MKLN1: variants seen among roughly 807,000 people sequenced by gnomAD.
The protein encoded by MKLN1 is muskelin 1, also known as muskelin.
A neutral mutation model predicts 99.0 loss-of-function variants in MKLN1; 18 were observed. The ratio of observed to expected loss-of-function variants is 0.18; its 90% confidence interval spans 0.13 to 0.27. MKLN1 has a LOEUF of 0.27. Ranked by LOEUF, MKLN1 falls within the 10% of genes least tolerant of loss-of-function variation. MKLN1 has a pLI of 1.00. For missense variants in MKLN1, 621 were observed against 875.9 expected (o/e 0.71, Z 3.67); for synonymous variants, 288 against 293.2 (o/e 0.98, Z 0.18).
intron 3 of MKLN1, among the ~76,000 whole-genome samples, chr7:131,286,723 A>T (rs1352888726): frequency 6.6e-6 from 1 of 152,262 alleles, no homozygotes; most frequent in Non-Finnish European, 1.5e-5. Context: ...TAAGAATGTC[A>T]TAATCTTATT....
chr7:131,495,343 A>G lies in MKLN1; in HGVS notation c.*7615A>G, dbSNP rs942330554. ...GTGAATCGCTCCTTCTGTTTGTGAA[A>G]ACATCTCCTGGACTGGAAATGTGGT... On this transcript the variant is annotated 3_prime_UTR_variant, in exon 18 of 18. Transcript: ENST00000352689. The G allele has an allele frequency of 3.9e-5, 6 of 152,170 alleles. No individual in the cohort carries two copies. The highest frequency in any genetic ancestry group is 7.4e-5 in the Non-Finnish European group (5 of 68,026). The allele number at this position is 152,170 out of a possible 1,614,324, so 9.4% of individuals were successfully genotyped here.
intron 3 of MKLN1, among the ~76,000 whole-genome samples, chr7:131,262,995 T>C (rs1214346964): frequency 6.6e-6 from 1 of 152,222 alleles, no homozygotes; most frequent in East Asian, 1.9e-4. Context: ...TTCTTTATCA[T>C]GTTCTTAAAC....
intron 17 of MKLN1, among the ~76,000 whole-genome samples, chr7:131,482,462 G>C (rs1329750625): frequency 6.6e-6 from 1 of 152,076 alleles, no homozygotes; most frequent in African/African-American, 2.4e-5. Context: ...GAAGTTTACA[G>C]TCCAAATATA....
chr7:131,194,005 T>TTTG, intron 2 of MKLN1, among the ~76,000 whole-genome samples: 1 of 81,652 alleles, frequency 1.2e-5, no homozygotes, highest in Non-Finnish European at 2.3e-5. Flanking sequence ...TTTGTTTTGT[T>TTTG]TTTTTTTTTT....
intron 6 of MKLN1, among the ~76,000 whole-genome samples, chr7:131,408,189 ACT>A (rs1794765663): frequency 6.6e-6 from 1 of 151,416 alleles, no homozygotes; most frequent in Non-Finnish European, 1.5e-5. Context: ...AAAAATCCAT[ACT>A]CTCTATCTCT....
chr7:131,310,020 C>T (rs4506137), intron 3 of MKLN1: 68,214 of 152,030 alleles, frequency 0.45, 16,829 homozygotes, highest in Admixed American at 0.59. Flanking sequence ...CCACCACGCC[C>T]GGCCCACAAG....
chr7:131,300,149 T>A (rs1399994658), intron 3 of MKLN1, among the ~76,000 whole-genome samples: 1 of 151,524 alleles, frequency 6.6e-6, no homozygotes, highest in Non-Finnish European at 1.5e-5. Context: ...TAATTGTGGG[T>A]AAGGGGGAGA....
intron 3 of MKLN1, among the ~76,000 whole-genome samples, chr7:131,269,617 C>T (rs947686523): frequency 6.6e-6 from 1 of 152,184 alleles, no homozygotes; most frequent in Non-Finnish European, 1.5e-5. Context: ...CGTCTTTTCT[C>T]GATCAATGTA....
chr7:131,190,618 A>G (rs778254957), intron 2 of MKLN1, among the ~76,000 whole-genome samples: 1 of 151,994 alleles, frequency 6.6e-6, no homozygotes, highest in African/African-American at 2.4e-5. Context: ...TCATTGTAAC[A>G]CTACAGCTGT....
chr7:131,482,250 A>G (rs1276979604), intron 17 of MKLN1, among the ~76,000 whole-genome samples: 1 of 152,184 alleles, frequency 6.6e-6, no homozygotes, highest in Admixed American at 6.5e-5. Context: ...GCTGGAGTGC[A>G]GTGGTGCAGT....
chr7:131,222,661 C>T (rs78658277), intron 3 of MKLN1, among the ~76,000 whole-genome samples: 1,611 of 152,142 alleles, frequency 0.011, 32 homozygotes, highest in African/African-American at 0.036. Context: ...CAGAATCTGC[C>T]CTTCTTTCTC....
In MKLN1 at chr7:131,387,117, T is replaced by A; in HGVS notation, c.169-3T>A. The A allele has an allele frequency of 6.3e-7, 1 of 1,584,364 alleles. No homozygotes were observed. The highest frequency in any genetic ancestry group is 8.5e-7 in the Non-Finnish European group (1 of 1,170,976). ...GATATAATTTGGTCGTTTCTTTTTT[T>A]AGTACTTGATTCTAAAGCTCGAAAG... On this transcript the variant is annotated splice_polypyrimidine_tract_variant and splice_region_variant and intron_variant, in intron 2 of 17. Coordinates refer to ENST00000352689, the MANE Select transcript of MKLN1 (RefSeq NM_013255.5).
chr7:131,174,478 A>G (rs1796264145), intron 2 of MKLN1, among the ~76,000 whole-genome samples: 3 of 152,114 alleles, frequency 2.0e-5, no homozygotes, highest in African/African-American at 4.8e-5. Flanking sequence ...CTGATTTCAT[A>G]TGTTGCATTT....
intron 3 of MKLN1, among the ~76,000 whole-genome samples, chr7:131,222,994 C>T (rs1306288046): frequency 6.6e-6 from 1 of 152,044 alleles, no homozygotes; most frequent in South Asian, 2.1e-4. Context: ...GAGATCACGC[C>T]ACTGCACTCC....
chr7:131,280,927 A>G (rs1440117836), intron 3 of MKLN1, among the ~76,000 whole-genome samples: 1 of 152,178 alleles, frequency 6.6e-6, no homozygotes, highest in Non-Finnish European at 1.5e-5. Context: ...TAGGGTTTTA[A>G]AAATATTCTG....
chr7:131,242,273 C>T (rs904842898), intron 3 of MKLN1, among the ~76,000 whole-genome samples: 13 of 152,158 alleles, frequency 8.5e-5, no homozygotes, highest in East Asian at 5.8e-4. Flanking sequence ...TGGTGGCTCA[C>T]GCCTGTAATC....
At chr7:131,292,835 C>T (rs954285139) in intron 3 of MKLN1, among the ~76,000 whole-genome samples, 4 of 152,142 alleles carry the variant, frequency 2.6e-5, no homozygotes, top group Non-Finnish European at 5.9e-5. Flanking sequence ...AAAGCATCAT[C>T]CCACATATAT....
intron 3 of MKLN1, among the ~76,000 whole-genome samples, chr7:131,258,381 G>GA (rs1214232319): frequency 6.6e-6 from 1 of 152,172 alleles, no homozygotes; most frequent in Non-Finnish European, 1.5e-5. Context: ...GCTGGAGGAA[G>GA]TGTCCTAACA....
chr7:131,486,232 T>C (rs1267549812), intron 17 of MKLN1, among the ~76,000 whole-genome samples: 1 of 147,690 alleles, frequency 6.8e-6, no homozygotes, highest in Non-Finnish European at 1.5e-5. Flanking sequence ...AAATAAAAAG[T>C]TGAAAAAGAA....
Sources: allele counts gnomAD v4.1 joint callset (sites outside exome capture counted in the v4.1 genomes callset), GRCh38; gene constraint gnomAD v4.1.1; transcripts MANE v1.5; gene names NCBI Gene and HGNC (gene_info 2026-07-23, HGNC 2026-07-21).